PGAP4: variants seen among roughly 807,000 people sequenced by gnomAD.
PGAP4 encodes GPI-N-acetylgalactosamine transferase PGAP4.
In PGAP4, 12 loss-of-function variants were observed where a neutral mutation model predicts 28.2. That is an observed-to-expected ratio of 0.42 (90% CI 0.27 to 0.69). The LOEUF is 0.69. Among genes scored for constraint, PGAP4 ranks in the 30% least tolerant of loss-of-function variants. The pLI, the probability that PGAP4 is intolerant of heterozygous loss-of-function variation, is 0.22. For missense variants in PGAP4, 425 were observed against 513.5 expected, an observed-to-expected ratio of 0.83 and a Z score of 1.67; for synonymous variants, 205 against 211.8, an observed-to-expected ratio of 0.97 and a Z score of 0.28.
intron 2 of PGAP4, among the ~76,000 whole-genome samples, chr9:101,493,743 G>A (rs1034236486): frequency 6.6e-6 from 1 of 152,086 alleles, no homozygotes; most frequent in Non-Finnish European, 1.5e-5. Context: ...TGGTCATGAC[G>A]TTAGCAGTTT....
At chr9:101,504,022 T>A (rs1826826017) in intron 2 of PGAP4, among the ~76,000 whole-genome samples, 2 of 151,192 alleles carry the variant, frequency 1.3e-5, no homozygotes, top group Non-Finnish European at 3.0e-5. Context: ...AGGAAGACAA[T>A]CCCCCAAAAG....
chr9:101,516,608 G>A (rs1037395273), intron 2 of PGAP4, among the ~76,000 whole-genome samples: 1 of 152,148 alleles, frequency 6.6e-6, no homozygotes, highest in African/African-American at 2.4e-5. Flanking sequence ...ATGTTGATAT[G>A]ACTTTATCTT....
chr9:101,499,910 G>A (rs907895510), intron 2 of PGAP4, among the ~76,000 whole-genome samples: 3 of 151,950 alleles, frequency 2.0e-5, no homozygotes, highest in Admixed American at 2.0e-4. Flanking sequence ...TAAGCACAAA[G>A]ACATTCTAGA....
chr9:101,501,767 T>C, intron 2 of PGAP4: 2 of 518,674 alleles, frequency 3.9e-6, no homozygotes, highest in South Asian at 2.8e-5. Context: ...CCAACTAACA[T>C]CTGGATTGAA....
chr9:101,504,896 A>G (rs1826836536), intron 2 of PGAP4, among the ~76,000 whole-genome samples: 1 of 152,114 alleles, frequency 6.6e-6, no homozygotes, highest in African/African-American at 2.4e-5. Context: ...GGCACCAAAA[A>G]GCTGCCAGTG....
intron 2 of PGAP4, among the ~76,000 whole-genome samples, chr9:101,500,562 T>C (rs897168212): frequency 4.6e-5 from 7 of 151,894 alleles, no homozygotes; most frequent in Admixed American, 1.3e-4. Flanking sequence ...TGGTAACATA[T>C]TCACAGGTTT....
chr9:101,529,284 T>C (rs1827065010), intron 2 of PGAP4, among the ~76,000 whole-genome samples: 1 of 151,326 alleles, frequency 6.6e-6, no homozygotes, highest in Admixed American at 6.6e-5. Flanking sequence ...GCCTCCCGAG[T>C]AGCTGGAATT....
At chr9:101,504,388 T>C (rs1489337810) in intron 2 of PGAP4, among the ~76,000 whole-genome samples, 1 of 151,886 alleles carries the variant, frequency 6.6e-6, no homozygotes, top group African/African-American at 2.4e-5. Flanking sequence ...TAAAAGCCAA[T>C]TACATCTTTA....
At chr9:101,507,660 A>G (rs1826859224) in intron 2 of PGAP4, among the ~76,000 whole-genome samples, 1 of 152,164 alleles carries the variant, frequency 6.6e-6, no homozygotes, top group African/African-American at 2.4e-5. Flanking sequence ...TCAATTATTC[A>G]AAACCTTCCA....
intron 2 of PGAP4, among the ~76,000 whole-genome samples, chr9:101,529,024 T>C (rs1190414578): frequency 6.6e-6 from 1 of 152,084 alleles, no homozygotes; most frequent in Non-Finnish European, 1.5e-5. Context: ...TAGCTCCTAC[T>C]TATAAGTGAG....
chr9:101,507,592 C>T (rs1195653944), intron 2 of PGAP4, among the ~76,000 whole-genome samples: 1 of 152,072 alleles, frequency 6.6e-6, no homozygotes, highest in Non-Finnish European at 1.5e-5. Context: ...CACGAGACAG[C>T]CTTTGTAGGA....
intron 2 of PGAP4, chr9:101,501,960 C>T (rs1438556432): frequency 2.6e-5 from 8 of 302,932 alleles, no homozygotes; most frequent in South Asian, 2.3e-4. Context: ...GTAGTATCTG[C>T]TGGATAATAA....
At position 101,476,533 on chromosome 9, in the gene PGAP4, TC is replaced by T. The variant is rs1344440761; in HGVS notation, c.559del (p.Glu187ArgfsTer22). ...DDPSTNSFEK[E>X]KQDYVYCLES... ...CAGGCAATAGACATAGTCCTGCTTC[TC>T]TTTCTCAAACGAGTTGGTCGAAGGG... On this transcript the variant is annotated frameshift_variant, in exon 2 of 2. Coordinates refer to ENST00000374848, the MANE Select transcript of PGAP4 (RefSeq NM_032342.3). LOFTEE classifies it high-confidence loss of function. The surrounding 1 kb of genome is among the most constrained non-coding windows in gnomAD (Gnocchi z 7.0). 6.2e-7 allele frequency: 1 copy of T among 1,614,216 alleles called. No individual in the cohort carries two copies.
intron 2 of PGAP4, among the ~76,000 whole-genome samples, chr9:101,508,041 A>G (rs560557440): frequency 3.3e-5 from 5 of 151,942 alleles, no homozygotes; most frequent in South Asian, 2.1e-4. Flanking sequence ...GGTCAACCAC[A>G]TGACTGTAAA....
At chr9:101,488,203 G>A (rs200621311), upstream of PGAP4, among the ~76,000 whole-genome samples, 1 of 152,186 alleles carries the variant, frequency 6.6e-6, no homozygotes, top group East Asian at 1.9e-4. Context: ...AATGAAGTAA[G>A]AATGAGGTGT....
rs189173325 is a variant in PGAP4, at chr9:101,496,384, A to T, written c.-164-7184T>A. Among the ~76,000 whole-genome samples the T allele has an allele frequency of 1.6e-3, 243 of 151,642 alleles. 1 individual carries two copies. The highest frequency in any genetic ancestry group is 5.5e-3 in the African/African-American group (229 of 41,504). ...AGCAAAAGTTGAACTTTTGAGATGT[A>T]AATCTGAGCAGTTTAAAAATATATA... On this transcript the variant is annotated intron_variant, in intron 2 of 3. Transcript: ENST00000374851.
intron 2 of PGAP4, among the ~76,000 whole-genome samples, chr9:101,497,777 C>A (rs1242270781): frequency 1.3e-5 from 2 of 151,442 alleles, no homozygotes; most frequent in Non-Finnish European, 3.0e-5. Flanking sequence ...TATATGAGTG[C>A]CCTTTTATCT....
chr9:101,496,928 T>C, intron 2 of PGAP4, among the ~76,000 whole-genome samples: 1 of 150,612 alleles, frequency 6.6e-6, no homozygotes, highest in East Asian at 2.0e-4. Context: ...AAGAATGTTT[T>C]TTCATAATTT....
chr9:101,488,167 G>A (rs1462805386), upstream of PGAP4, among the ~76,000 whole-genome samples: 2 of 152,144 alleles, frequency 1.3e-5, no homozygotes, highest in East Asian at 3.9e-4. Context: ...GAATGGTTCT[G>A]ACATACTGCC....
Sources: gnomAD v4.1 joint callset for allele counts (sites outside exome capture counted in the v4.1 genomes callset) on GRCh38, gnomAD v4.1.1 for gene constraint, Gnocchi (gnomAD v3.1) non-coding constraint, MANE v1.5 for transcripts, NCBI Gene and HGNC (gene_info 2026-07-23, HGNC 2026-07-21) for gene names.